Variants in SNX19 observed in about 807,000 individuals in gnomAD.
The protein encoded by SNX19 is sorting nexin-19.
A neutral mutation model predicts 85.2 loss-of-function variants in SNX19; 60 were observed. The ratio of observed to expected loss-of-function variants is 0.70; its 90% CI spans 0.57 to 0.87. The LOEUF (loss-of-function observed/expected upper bound fraction) is 0.87, where lower values mean the gene tolerates loss of function less well. Ranked by LOEUF, SNX19 falls within the 40% of genes least tolerant of loss-of-function variation. The probability of loss-of-function intolerance (pLI) is 0.00; values close to 1 mark genes in which losing one functional copy is unlikely to be tolerated. For missense variants in SNX19, 1,201 were observed against 1,217.8 expected, an observed-to-expected ratio of 0.99 and a Z score of 0.21; for synonymous variants, 520 against 470.0, an observed-to-expected ratio of 1.11 and a Z score of -1.38.
At chr11:130,900,583 T>C (rs1422598125) in intron 8 of SNX19, among the ~76,000 whole-genome samples, 2 of 152,202 alleles carry the variant, frequency 1.3e-5, no homozygotes, top group Non-Finnish European at 2.9e-5. Flanking sequence ...CTCTGAGTTA[T>C]TCAAACTTCA....
rs756315873 is a variant in SNX19, at chr11:130,915,360, G to A, written c.580C>T (p.Arg194Trp). The A allele has an allele frequency of 3.1e-5, 50 of 1,614,012 alleles. No individual in the cohort carries two copies. Among genetic ancestry groups the A allele is most frequent in the East Asian group, 2.2e-5 (1 of 44,892 alleles). ...ACAGCAGGATGTGGGGCAGTCGCCC[G>A]GCAGTAAGCCTCCCAGAGGTGGGAA... ...EPSHLWEAYC[R>W]ATAPHPAVHS... The change falls in exon 1 of 11, where the codon CGG becomes TGG. Residue 194 changes from arginine (R) to tryptophan (W), a missense_variant. Physicochemically the swap from Arg to Trp is moderately radical, Grantham distance 101 (BLOSUM62 -3). Coordinates refer to ENST00000265909, the MANE Select transcript of SNX19 (RefSeq NM_014758.3).
intron 1 of SNX19, among the ~76,000 whole-genome samples, chr11:130,913,122 A>C (rs912640495): frequency 3.3e-5 from 5 of 152,306 alleles, no homozygotes; most frequent in African/African-American, 9.6e-5. Context: ...TCTATCCATC[A>C]ACTTAATTTT....
At chr11:130,886,104 C>T (rs754777041) in intron 8 of SNX19, among the ~76,000 whole-genome samples, 77 of 152,162 alleles carry the variant, frequency 5.1e-4, no homozygotes, top group Non-Finnish European at 8.5e-4. Context: ...GCCTTAGACC[C>T]AGGGACTTTT....
At position 130,916,208 on chromosome 11, in the gene SNX19, T is replaced by G. The variant is rs967440117; in HGVS notation, c.-269A>C. The G allele has an allele frequency of 4.3e-6, 2 of 461,932 alleles. No individual in the cohort carries two copies. The highest frequency in any genetic ancestry group is 7.8e-6 in the Non-Finnish European group (2 of 256,630). The allele number at this position is 461,932 out of a possible 1,614,324, so 28.6% of individuals were successfully genotyped here. On this transcript the variant is annotated 5_prime_UTR_variant, in exon 1 of 11. Transcript: ENST00000265909. ...GAGGAAAACTCTGTGGCCTTCACACTGCCCCAGGCGGAAGGCCTCTTCGGG... is the reference window on the plus strand; with the variant it reads ...GAGGAAAACTCTGTGGCCTTCACACGGCCCCAGGCGGAAGGCCTCTTCGGG...
intron 8 of SNX19, among the ~76,000 whole-genome samples, chr11:130,892,524 G>A (rs1253801326): frequency 6.6e-6 from 1 of 152,204 alleles, no homozygotes; most frequent in Non-Finnish European, 1.5e-5. Flanking sequence ...ACCAGGTTCA[G>A]CGAACTAATG....
At chr11:130,909,234 C>G (rs1284512083) in intron 4 of SNX19, among the ~76,000 whole-genome samples, 1 of 152,138 alleles carries the variant, frequency 6.6e-6, no homozygotes. Flanking sequence ...GCATGGAACT[C>G]TGGGCATTTA....
intron 10 of SNX19, among the ~76,000 whole-genome samples, chr11:130,879,231 G>A (rs933864181): frequency 2.0e-5 from 3 of 152,186 alleles, no homozygotes; most frequent in Non-Finnish European, 2.9e-5. Context: ...CATGGTCTGT[G>A]ATACACAGGC....
chr11:130,914,567 T>C lies in SNX19; in HGVS notation c.1373A>G (p.Gln458Arg), dbSNP rs757477720. The change falls in exon 1 of 11, where the codon CAA (glutamine) becomes CGA (arginine). Residue 458 changes from glutamine (Q) to arginine (R), a missense_variant. Gln to Arg is a conservative substitution (Grantham distance 43). This residue lies in a region of SNX19 where 791 missense variants were observed against 750.9 expected (regional missense o/e 1.05). Transcript: ENST00000265909. Reference sequence around the variant, plus strand: ...TGTAACAGAGGCGGTAACATCTCCTTGTTCTATCTCCTTGTCTGCTGTGTC... The same window carrying C: ...TGTAACAGAGGCGGTAACATCTCCTCGTTCTATCTCCTTGTCTGCTGTGTC... ...HIDTADKEIEQGDVTASVTAL... is the reference protein window; with the variant it reads ...HIDTADKEIERGDVTASVTAL... 3 of 1,613,950 alleles carry C rather than the reference T, an allele frequency of 1.9e-6. No individual in the cohort carries two copies. The highest frequency in any genetic ancestry group is 2.5e-6 in the Non-Finnish European group (3 of 1,179,854).
rs1325099536 is a variant in SNX19, at chr11:130,915,166, G to C, written c.774C>G (p.Asp258Glu). ...LPLISRLSDPDWIHLVLVGIF... is the reference protein window; with the variant it reads ...LPLISRLSDPEWIHLVLVGIF... ...TACCCACGAGTACAAGGTGGATCCA[G>C]TCAGGATCTGACAGCCTGCTGATCA... is the stretch of plus-strand genomic sequence containing the variant. Residue 258 changes from aspartate (D) to glutamate (E), a missense_variant, in exon 1 of 11, where the codon GAC becomes GAG. Physicochemically the swap from Asp to Glu is conservative, Grantham distance 45 (BLOSUM62 2). This residue lies in a region of SNX19 where 791 missense variants were observed against 750.9 expected (regional missense o/e 1.05). Coordinates refer to ENST00000265909, the MANE Select transcript of SNX19 (RefSeq NM_014758.3). 13 of 1,614,226 alleles carry C rather than the reference G, an allele frequency of 8.1e-6. No homozygotes were observed. The highest frequency in any genetic ancestry group is 1.1e-5 in the Non-Finnish European group (13 of 1,180,052).
chr11:130,878,959 CTTG>C (rs1230522597), intron 10 of SNX19, among the ~76,000 whole-genome samples: 6 of 152,136 alleles, frequency 3.9e-5, no homozygotes, highest in Non-Finnish European at 8.8e-5. Flanking sequence ...AGCCAGGATC[CTTG>C]AGGAAGTTAA....
chr11:130,915,238 T>A lies in SNX19; in HGVS notation c.702A>T (p.Gly234=), dbSNP rs1200545199. Residue 234 remains glycine, a synonymous_variant, in exon 1 of 11, where the codon GGA becomes GGT. Transcript: ENST00000265909. The part of the protein sequence containing the change: ...VPKPHLETRT[G]RHVVVELITC... ...TGATGAGTTCGACCACTACATGGCG[T>A]CCGGTACGAGTCTCCAAGTGGGGCT... The A allele has an allele frequency of 6.2e-7, 1 of 1,614,220 alleles. No individual in the cohort carries two copies. The highest frequency in any genetic ancestry group is 8.5e-7 in the Non-Finnish European group (1 of 1,180,044).
chr11:130,910,249 C>T, intron 3 of SNX19, 21 bp downstream of exon 3: 3 of 1,613,140 alleles, frequency 1.9e-6, no homozygotes, highest in Non-Finnish European at 2.5e-6. Context: ...GAGAACAAGG[C>T]CAAAAGAGAA....
intron 8 of SNX19, among the ~76,000 whole-genome samples, chr11:130,901,019 A>G (rs1945224727): frequency 6.6e-6 from 1 of 152,224 alleles, no homozygotes; most frequent in African/African-American, 2.4e-5. Context: ...TCCGGTCCTT[A>G]AAGAACTAAT....
At chr11:130,894,594 C>G (rs1944742170) in intron 8 of SNX19, 1 of 977,100 alleles carries the variant, frequency 1.0e-6, no homozygotes, top group Non-Finnish European at 1.2e-6. Context: ...GTTTAACCTG[C>G]AGCGCCACCT....
chr11:130,906,608 T>G lies in SNX19; in HGVS notation c.2262+17A>C, dbSNP rs1945690516. On this transcript the variant is annotated intron_variant, in intron 6 of 10. Transcript: ENST00000265909. The stretch of plus-strand genomic sequence containing the variant: ...TCAGATATTTTTGCCTCACATTCTC[T>G]GGGTTTTGGTTCTTACCACATTGCC... 1 of 1,574,150 alleles carries G rather than the reference T, an allele frequency of 6.4e-7. No homozygotes were observed. The highest frequency in any genetic ancestry group is 1.1e-5 in the South Asian group (1 of 90,110).
At chr11:130,903,111 C>T (rs1945371218) in intron 8 of SNX19, 144 bp downstream of exon 8, 32 of 1,174,504 alleles carry the variant, frequency 2.7e-5, no homozygotes, top group Non-Finnish European at 3.7e-5. Context: ...CTGATACTCT[C>T]AAGGCATTTT....
At chr11:130,909,408 C>T (rs1385919807) in intron 4 of SNX19, among the ~76,000 whole-genome samples, 2 of 152,218 alleles carry the variant, frequency 1.3e-5, no homozygotes, top group African/African-American at 4.8e-5. Flanking sequence ...ATAAAACACA[C>T]ATCACTTTTG....
Position 130,910,331 on chromosome 11 carries a change from A to C in SNX19, c.1853T>G (p.Leu618Trp). 6.2e-7 allele frequency: 1 copy of C among 1,612,336 alleles called. No individual in the cohort carries two copies. The highest frequency in any genetic ancestry group is 8.5e-7 in the Non-Finnish European group (1 of 1,179,656). ...GPKKLFPDLPLGNMDSDRVEA... is the reference protein window; with the variant it reads ...GPKKLFPDLPWGNMDSDRVEA... ...TACTCTGTCACTGTCCATGTTTCCC[A>C]ATGGAAGATCTGGAAAGAGCTTTTT... is the stretch of plus-strand genomic sequence containing the variant. The change falls in exon 3 of 11, where the codon TTG becomes TGG. Residue 618 changes from leucine to tryptophan, a missense_variant. Physicochemically the swap from Leu to Trp is moderately conservative, Grantham distance 61. Transcript: ENST00000265909.
chr11:130,894,785 G>C (rs959429459), intron 8 of SNX19: 1 of 985,420 alleles, frequency 1.0e-6, no homozygotes, highest in Non-Finnish European at 1.2e-6. Flanking sequence ...ATGTCTTAGT[G>C]TCTAGAATAT....
Sources: gnomAD v4.1 joint callset for allele counts (sites outside exome capture counted in the v4.1 genomes callset) on GRCh38, gnomAD v4.1.1 for gene constraint, gnomAD v4.1.1 regional missense constraint, MANE v1.5 for transcripts, NCBI Gene and HGNC (gene_info 2026-07-23, HGNC 2026-07-21) for gene names.